The following EFCAB11 variants were observed in gnomAD, a reference collection of about 807,000 sequenced individuals.
EFCAB11 encodes EF-hand calcium binding domain 11.
In EFCAB11, 14 loss-of-function variants were observed where a neutral mutation model predicts 23.0. The ratio of observed to expected loss-of-function variants is 0.61; its 90% CI spans 0.40 to 0.95. The LOEUF is 0.95. Among genes scored for constraint, EFCAB11 ranks in the 40% least tolerant of loss-of-function variants. The probability of loss-of-function intolerance (pLI) is 0.00; values close to 1 mark genes in which losing one functional copy is unlikely to be tolerated. For synonymous variants in EFCAB11, 65 were observed against 66.6 expected (o/e 0.98, Z 0.11); for missense variants, 198 against 195.8 (o/e 1.01, Z -0.07).
intron 5 of EFCAB11, among the ~76,000 whole-genome samples, chr14:89,852,580 T>C (rs1428249165): frequency 6.6e-6 from 1 of 152,190 alleles, no homozygotes; most frequent in Non-Finnish European, 1.5e-5. Context: ...ACTTAAATGT[T>C]TCATTTTAAA....
At chr14:89,937,229 C>T (rs961406390) in intron 3 of EFCAB11, among the ~76,000 whole-genome samples, 5 of 152,080 alleles carry the variant, frequency 3.3e-5, no homozygotes, top group African/African-American at 4.8e-5. Context: ...CTTTTTTCAG[C>T]TGTAGGAAAG....
At chr14:89,832,300 G>GA (rs1886912708) in intron 5 of EFCAB11, among the ~76,000 whole-genome samples, 1 of 152,136 alleles carries the variant, frequency 6.6e-6, no homozygotes, top group Non-Finnish European at 1.5e-5. Flanking sequence ...CAGCATGGGT[G>GA]ACAGAGCGAG....
chr14:89,929,055 A>G lies in EFCAB11; in HGVS notation c.410+2486T>C, dbSNP rs894818928. On this transcript the variant is annotated intron_variant, in intron 5 of 5. Transcript: ENST00000316738. Reference sequence around the variant, plus strand: ...CATATATATATATATACACACACACATATTTTTTTTTAGGAGGGTCTTGCT... The same window carrying G: ...CATATATATATATATACACACACACGTATTTTTTTTTAGGAGGGTCTTGCT... Among the ~76,000 whole-genome samples the G allele has an allele frequency of 7.9e-5, 9 of 114,520 alleles. 1 individual carries two copies. Among genetic ancestry groups the G allele is most frequent in the African/African-American group, 3.0e-4 (9 of 29,604 alleles). The allele number at this position is 114,520 out of a possible 152,430, so 75.1% of individuals were successfully genotyped here. A position where few individuals can be genotyped will look rare whatever the true frequency, so the allele number is the denominator to read the frequency against.
intron 5 of EFCAB11, among the ~76,000 whole-genome samples, chr14:89,922,375 T>C (rs1449196638): frequency 2.0e-5 from 3 of 152,242 alleles, no homozygotes; most frequent in South Asian, 4.1e-4. Context: ...GAGACGGCCA[T>C]GCCATTCTCC....
intron 5 of EFCAB11, among the ~76,000 whole-genome samples, chr14:89,903,476 C>G (rs1889399582): frequency 6.6e-6 from 1 of 151,904 alleles, no homozygotes; most frequent in Non-Finnish European, 1.5e-5. Context: ...TACTGGGATA[C>G]AGCTTTAGCA....
intron 5 of EFCAB11, among the ~76,000 whole-genome samples, chr14:89,822,443 C>T (rs1886554255): frequency 6.6e-6 from 1 of 152,158 alleles, no homozygotes; most frequent in Admixed American, 6.5e-5. Flanking sequence ...AAATTCTCTT[C>T]AGACAAATAC....
chr14:89,859,603 C>T (rs2140148675), intron 5 of EFCAB11, among the ~76,000 whole-genome samples: 1 of 152,328 alleles, frequency 6.6e-6, no homozygotes, highest in African/African-American at 2.4e-5. Context: ...TAATACAACA[C>T]AGTCCATTTA....
chr14:89,897,116 CTACATACATT>C (rs1889193070), intron 5 of EFCAB11, among the ~76,000 whole-genome samples: 1 of 151,442 alleles, frequency 6.6e-6, no homozygotes, highest in African/African-American at 2.4e-5. Flanking sequence ...GTCACAAAGA[CTACATACATT>C]TGAAATTCTT....
chr14:89,946,477 A>T lies in EFCAB11; in HGVS notation c.217+3620T>A, dbSNP rs552661172. ...GGGCTGTTGAGATCATTTACATCTA[A>T]CTAAAACATTAATGATTGGATTTAA... is the stretch of plus-strand genomic sequence containing the variant. On this transcript the variant is annotated intron_variant, in intron 3 of 5. Transcript: ENST00000316738. 1.9e-4 allele frequency among the ~76,000 whole-genome samples: 29 copies of T among 152,280 alleles called. No homozygotes were observed. The South Asian group carries it at 5.8e-3, about 30-fold the overall frequency.
chr14:89,863,685 T>C (rs74080730), intron 5 of EFCAB11, among the ~76,000 whole-genome samples: 5,134 of 152,358 alleles, frequency 0.034, 340 homozygotes, highest in African/African-American at 0.12. Context: ...CTGCACATGA[T>C]AAATGTTTGT....
At chr14:89,819,608 A>AC (rs201324364) in intron 5 of EFCAB11, among the ~76,000 whole-genome samples, 6,014 of 151,936 alleles carry the variant, frequency 0.04, 242 homozygotes, top group African/African-American at 0.097. Context: ...TATAAAAAAA[A>AC]CCCATTTCTT....
intron 5 of EFCAB11, among the ~76,000 whole-genome samples, chr14:89,907,894 A>G (rs1889546796): frequency 6.6e-6 from 1 of 152,352 alleles, no homozygotes; most frequent in Non-Finnish European, 1.5e-5. Context: ...AATGGGAACA[A>G]TCACAGTAGC....
At chr14:89,820,326 AC>A (rs1886470041) in intron 5 of EFCAB11, among the ~76,000 whole-genome samples, 1 of 152,158 alleles carries the variant, frequency 6.6e-6, no homozygotes, top group African/African-American at 2.4e-5. Context: ...CACCAAAGAG[AC>A]AAAGAAACTT....
intron 5 of EFCAB11, among the ~76,000 whole-genome samples, chr14:89,854,523 T>C (rs538680463): frequency 1.3e-5 from 2 of 152,186 alleles, no homozygotes; most frequent in African/African-American, 2.4e-5. Flanking sequence ...ATCCATGAAC[T>C]GGACATCATC....
intron 3 of EFCAB11, among the ~76,000 whole-genome samples, chr14:89,934,250 T>G (rs1417426946): frequency 6.6e-6 from 1 of 152,064 alleles, no homozygotes; most frequent in Non-Finnish European, 1.5e-5. Flanking sequence ...AGAGACCAGT[T>G]AGGAGCCTAC....
intron 5 of EFCAB11, among the ~76,000 whole-genome samples, chr14:89,925,223 A>G (rs1890152024): frequency 6.6e-6 from 1 of 152,248 alleles, no homozygotes; most frequent in Non-Finnish European, 1.5e-5. Context: ...TACCACGCCA[A>G]GGGAAACACA....
At chr14:89,877,229 G>A (rs1016983517) in intron 5 of EFCAB11, among the ~76,000 whole-genome samples, 1 of 151,918 alleles carries the variant, frequency 6.6e-6, no homozygotes, top group African/African-American at 2.4e-5. Flanking sequence ...TAGTAGAGAC[G>A]GGGTTTCATC....
intron 5 of EFCAB11, among the ~76,000 whole-genome samples, chr14:89,834,392 A>G (rs866781121): frequency 1.3e-5 from 2 of 150,182 alleles, no homozygotes; most frequent in African/African-American, 4.9e-5. Context: ...AAAAAAAAAA[A>G]AAAAAAAAAA....
intron 5 of EFCAB11, among the ~76,000 whole-genome samples, chr14:89,928,272 T>C (rs943243749): frequency 2.0e-5 from 3 of 152,154 alleles, no homozygotes; most frequent in Non-Finnish European, 4.4e-5. Flanking sequence ...ATGGTTAAAG[T>C]ATAGAAATTT....
Sources: gnomAD v4.1 joint callset for allele counts (sites outside exome capture counted in the v4.1 genomes callset) on GRCh38, gnomAD v4.1.1 for gene constraint, MANE v1.5 for transcripts, NCBI Gene and HGNC (gene_info 2026-07-23, HGNC 2026-07-21) for gene names.